The following TENM4 variants were observed in gnomAD, a reference collection of about 807,000 sequenced individuals.
TENM4 encodes teneurin transmembrane protein 4, also known as teneurin-4.
In TENM4, 82 loss-of-function variants were observed where a neutral mutation model predicts 243.3. The ratio of observed to expected loss-of-function variants is 0.34; its 90% CI spans 0.28 to 0.40. The LOEUF (loss-of-function observed/expected upper bound fraction) is 0.40. Among genes scored for constraint, TENM4 ranks in the 10% least tolerant of loss-of-function variants. The pLI is 1.00. For missense variants in TENM4, 3,138 were observed against 3,673.3 expected (o/e 0.85, Z 3.77); for synonymous variants, 1,412 against 1,456.3 (o/e 0.97, Z 0.69).
At chr11:78,965,875 T>A (rs1454471141) in intron 6 of TENM4, among the ~76,000 whole-genome samples, 2 of 152,218 alleles carry the variant, frequency 1.3e-5, no homozygotes, top group Non-Finnish European at 2.9e-5. Flanking sequence ...CAACTTTGAA[T>A]TTAAGTGGTT....
chr11:79,412,752 A>G (rs1038954913), intron 1 of TENM4, among the ~76,000 whole-genome samples: 3 of 152,348 alleles, frequency 2.0e-5, no homozygotes, highest in Admixed American at 1.3e-4. Flanking sequence ...ACTCCTGATT[A>G]TCATGTTTTC....
At chr11:78,838,180 A>G (rs1163636771) in intron 12 of TENM4, among the ~76,000 whole-genome samples, 2 of 152,204 alleles carry the variant, frequency 1.3e-5, no homozygotes, top group African/African-American at 4.8e-5. Context: ...GTGGTTAAAC[A>G]TATTTCATGT....
intron 6 of TENM4, among the ~76,000 whole-genome samples, chr11:79,004,228 A>G (rs1858413121): frequency 6.6e-6 from 1 of 152,226 alleles, no homozygotes; most frequent in South Asian, 2.1e-4. Context: ...TAGGAGATAG[A>G]TCACCAAGGT....
At chr11:78,908,827 G>A (rs983425306) in intron 6 of TENM4, among the ~76,000 whole-genome samples, 1 of 152,244 alleles carries the variant, frequency 6.6e-6, no homozygotes, top group African/African-American at 2.4e-5. Context: ...TGTGCCATAA[G>A]GAGAAGGCCC....
At chr11:78,745,153 A>G (rs1856018358) in intron 19 of TENM4, among the ~76,000 whole-genome samples, 1 of 151,960 alleles carries the variant, frequency 6.6e-6, no homozygotes, top group Non-Finnish European at 1.5e-5. Flanking sequence ...GTAATATACT[A>G]TTACATCATA....
intron 4 of TENM4, among the ~76,000 whole-genome samples, chr11:79,118,775 T>C (rs7131544): frequency 0.027 from 4,083 of 152,264 alleles, 182 homozygotes; most frequent in African/African-American, 0.092. Context: ...TGCATATATA[T>C]ATGCTACATC....
At chr11:78,695,546 A>G (rs949280679) in intron 28 of TENM4, among the ~76,000 whole-genome samples, 2 of 152,044 alleles carry the variant, frequency 1.3e-5, no homozygotes, top group African/African-American at 4.8e-5. Context: ...TATTTTTAGT[A>G]GAGGTGGGGT....
intron 1 of TENM4, among the ~76,000 whole-genome samples, chr11:79,350,067 A>G (rs1454665157): frequency 1.3e-5 from 2 of 152,210 alleles, no homozygotes; most frequent in Admixed American, 6.5e-5. Flanking sequence ...GGGATAAAGC[A>G]GACATAGTCC....
chr11:79,060,662 C>T (rs561881077), intron 6 of TENM4, among the ~76,000 whole-genome samples: 1 of 152,320 alleles, frequency 6.6e-6, no homozygotes, highest in Non-Finnish European at 1.5e-5. Context: ...AGGCAAAGGA[C>T]TCAGAGAAAC....
At chr11:79,159,533 G>A (rs1404302973) in intron 3 of TENM4, among the ~76,000 whole-genome samples, 1 of 152,126 alleles carries the variant, frequency 6.6e-6, no homozygotes, top group Non-Finnish European at 1.5e-5. Context: ...TAAAAAGGGG[G>A]ATGGGGCTGG....
chr11:79,097,531 A>C (rs977619811), intron 4 of TENM4: 4 of 152,188 alleles, frequency 2.6e-5, no homozygotes, highest in African/African-American at 9.7e-5. Flanking sequence ...TTGGAAATTG[A>C]AATTTCCCAC....
intron 6 of TENM4, among the ~76,000 whole-genome samples, chr11:79,040,103 G>A (rs1248562564): frequency 2.6e-5 from 4 of 151,770 alleles, no homozygotes; most frequent in African/African-American, 7.3e-5. Context: ...ACCTCTTCGT[G>A]TCTCTATTCC....
At chr11:79,387,085 G>A (rs1038254223) in intron 1 of TENM4, among the ~76,000 whole-genome samples, 2 of 152,136 alleles carry the variant, frequency 1.3e-5, no homozygotes, top group South Asian at 2.1e-4. Context: ...AATAAACTCC[G>A]ACTCTATGGA....
At chr11:79,319,166 A>G (rs1311783207) in intron 1 of TENM4, among the ~76,000 whole-genome samples, 1 of 152,252 alleles carries the variant, frequency 6.6e-6, no homozygotes, top group Non-Finnish European at 1.5e-5. Flanking sequence ...CTAGAGTCAT[A>G]GAACAGTAAG....
intron 1 of TENM4, among the ~76,000 whole-genome samples, chr11:79,416,053 T>C (rs1207720470): frequency 6.6e-6 from 1 of 152,260 alleles, no homozygotes; most frequent in African/African-American, 2.4e-5. Context: ...ATCCATGTTG[T>C]TGGGCTAATC....
At chr11:78,964,068 G>A (rs1274128104) in intron 6 of TENM4, among the ~76,000 whole-genome samples, 1 of 135,124 alleles carries the variant, frequency 7.4e-6, no homozygotes, top group Non-Finnish European at 1.6e-5. Context: ...CCCCTAGATG[G>A]AGTCTTGCTC....
intron 6 of TENM4, among the ~76,000 whole-genome samples, chr11:79,034,554 A>T (rs558557402): frequency 3.6e-4 from 55 of 152,332 alleles, no homozygotes; most frequent in African/African-American, 1.3e-3. Context: ...TGAAACCACC[A>T]TGTAGAAAAT....
At chr11:78,891,203 G>A (rs564468986) in intron 8 of TENM4, 35 bp downstream of exon 8, 1 of 1,540,986 alleles carries the variant, frequency 6.5e-7, no homozygotes, top group Admixed American at 2.0e-5. Context: ...CACAAGGAGA[G>A]CACACACAGA....
At chr11:78,966,503 A>G (rs1857440010) in intron 6 of TENM4, among the ~76,000 whole-genome samples, 1 of 152,138 alleles carries the variant, frequency 6.6e-6, no homozygotes, top group African/African-American at 2.4e-5. Context: ...TACAATTAGG[A>G]AGCACAGCTG....
Sources: allele counts gnomAD v4.1 joint callset (sites outside exome capture counted in the v4.1 genomes callset), GRCh38; gene constraint gnomAD v4.1.1; transcripts MANE v1.5; gene names NCBI Gene and HGNC (gene_info 2026-07-23, HGNC 2026-07-21).